Variants in MIER1 observed in about 807,000 individuals in gnomAD.
The protein encoded by MIER1 is mesoderm induction early response protein 1.
MIER1 carries 40 observed loss-of-function variants against 75.7 expected under a neutral mutation model. The observed-to-expected ratio is 0.53, with a 90% confidence interval of 0.41 to 0.69. The LOEUF is 0.69. Among genes scored for constraint, MIER1 ranks in the 30% least tolerant of loss-of-function variants. The pLI is 0.00. For synonymous variants in MIER1, 213 were observed against 223.4 expected (o/e 0.95, Z 0.42); for missense variants, 574 against 680.2 (o/e 0.84, Z 1.74).
Position 66,986,110 on chromosome 1 carries a change from A to G in MIER1, c.*1210A>G, listed in dbSNP as rs1046386496. On this transcript the variant is annotated 3_prime_UTR_variant, in exon 14 of 14. Coordinates refer to ENST00000401041, the MANE Select transcript of MIER1 (RefSeq NM_001077700.3). ...GCACACACAAGGAACAACTGTTGGC[A>G]GGCAGTATCGATTTTATGAAGAGAA... 1.8e-6 allele frequency: 2 copies of G among 1,100,408 alleles called. No homozygotes were observed. Among genetic ancestry groups the G allele is most frequent in the Non-Finnish European group, 2.2e-6 (2 of 903,306 alleles). The allele number at this position is 1,100,408 out of a possible 1,614,324, so 68.2% of individuals were successfully genotyped here.
intron 2 of MIER1, among the ~76,000 whole-genome samples, chr1:66,938,244 A>G (rs1655380568): frequency 1.3e-5 from 2 of 152,228 alleles, no homozygotes; most frequent in Non-Finnish European, 2.9e-5. Flanking sequence ...TATGGACACC[A>G]TTTACAATTC....
At chr1:66,968,712 A>G (rs190107529) in intron 8 of MIER1, among the ~76,000 whole-genome samples, 60 of 152,306 alleles carry the variant, frequency 3.9e-4, no homozygotes, top group Admixed American at 1.2e-3. Context: ...GCTCCTTTGG[A>G]CTTGTATCTG....
chr1:66,960,920 T>A (rs1415099535), intron 7 of MIER1, among the ~76,000 whole-genome samples: 1 of 152,194 alleles, frequency 6.6e-6, no homozygotes, highest in Non-Finnish European at 1.5e-5. Flanking sequence ...CCACTTCATA[T>A]TCAAGTTTAT....
At chr1:66,947,968 G>A in intron 4 of MIER1, 3 of 985,204 alleles carry the variant, frequency 3.0e-6, no homozygotes, top group Non-Finnish European at 3.6e-6. Flanking sequence ...AGCCTTTCCT[G>A]TCCCCTAATT....
intron 2 of MIER1, among the ~76,000 whole-genome samples, chr1:66,930,047 C>G (rs1434807264): frequency 1.3e-5 from 2 of 152,110 alleles, no homozygotes; most frequent in South Asian, 4.1e-4. Flanking sequence ...CTGGAGCCAG[C>G]GAAGCGCCCC....
At chr1:66,959,056 T>A (rs982597863) in intron 6 of MIER1, 73 bp downstream of exon 6, 2 of 1,233,256 alleles carry the variant, frequency 1.6e-6, no homozygotes, top group Non-Finnish European at 2.3e-6. Flanking sequence ...TCCTCTTTTT[T>A]AAACTGGTCT....
At chr1:66,973,019 A>G (rs747132519) in intron 11 of MIER1, 28 bp downstream of exon 11, 13 of 1,316,204 alleles carry the variant, frequency 9.9e-6, no homozygotes, top group Admixed American at 1.7e-5. Context: ...CTTTTTTGCA[A>G]AAAGAAATTT....
chr1:66,947,863 C>A, intron 4 of MIER1: 1 of 911,912 alleles, frequency 1.1e-6, no homozygotes, highest in Non-Finnish European at 1.3e-6. Flanking sequence ...GTTTCTTCTG[C>A]TTCAAGGGTT....
intron 11 of MIER1, among the ~76,000 whole-genome samples, chr1:66,973,300 T>C (rs1431810880): frequency 6.6e-6 from 1 of 152,132 alleles, no homozygotes; most frequent in African/African-American, 2.4e-5. Flanking sequence ...TTCCACAGTC[T>C]GTGACTGTTT....
At chr1:66,947,852 A>T (rs1658033682) in intron 4 of MIER1, 2 of 805,920 alleles carry the variant, frequency 2.5e-6, no homozygotes, top group Non-Finnish European at 3.0e-6. Flanking sequence ...TAAATAGGCT[A>T]GTTTCTTCTG....
intron 3 of MIER1, among the ~76,000 whole-genome samples, chr1:66,944,338 A>G (rs1490836215): frequency 6.6e-6 from 1 of 151,620 alleles, no homozygotes; most frequent in African/African-American, 2.4e-5. Context: ...TCAGTAACTC[A>G]TTTGTTTATC....
rs1256728399 is a variant in MIER1, at chr1:66,931,059, C to A, written c.168+4817C>A. The stretch of plus-strand genomic sequence containing the variant: ...CCCACCACCTTCACTTTCCAGGCTT[C>A]CCCCCACCCCCTTTCCAAATCAAGG... On this transcript the variant is annotated intron_variant, in intron 2 of 13. Coordinates refer to ENST00000401041, the MANE Select transcript of MIER1 (RefSeq NM_001077700.3). 6.5e-4 allele frequency among the ~76,000 whole-genome samples: 93 copies of A among 144,172 alleles called. 1 individual carries two copies. Among genetic ancestry groups the A allele is most frequent in the Non-Finnish European group, 1.1e-4 (7 of 65,698 alleles). 94.6% of individuals were successfully genotyped at this position (144,172 alleles called of 152,430 possible).
intron 1 of MIER1, 100 bp downstream of exon 1, chr1:66,925,195 C>A: frequency 6.9e-7 from 1 of 1,455,408 alleles, no homozygotes; most frequent in Non-Finnish European, 9.0e-7. Flanking sequence ...TTCCCCTCCC[C>A]CACGGCAGTG....
chr1:66,988,596 T>C lies in MIER1; in HGVS notation c.*3696T>C. ...ATAAAGAATTATAGAATGTATAATG[T>C]AATTAAAATGTCATTTTGCTTGCTC... On this transcript the variant is annotated 3_prime_UTR_variant, in exon 14 of 14. Coordinates refer to ENST00000401041, the MANE Select transcript of MIER1 (RefSeq NM_001077700.3). 6.6e-6 allele frequency: 1 copy of C among 152,344 alleles called. No individual in the cohort carries two copies. The highest frequency in any genetic ancestry group is 1.9e-4 in the East Asian group (1 of 5,300). 9.4% of individuals were successfully genotyped at this position (152,344 alleles called of 1,614,324 possible).
chr1:66,935,194 T>G (rs1319503177), intron 2 of MIER1, among the ~76,000 whole-genome samples: 2 of 152,198 alleles, frequency 1.3e-5, no homozygotes, highest in Non-Finnish European at 2.9e-5. Context: ...TAGTCTTCTG[T>G]TGTATGGGAC....
intron 10 of MIER1, among the ~76,000 whole-genome samples, chr1:66,971,955 G>A (rs1663694987): frequency 6.6e-6 from 1 of 151,648 alleles, no homozygotes; most frequent in Non-Finnish European, 1.5e-5. Context: ...AAGTAAAAAT[G>A]TAAAAATTTA....
At chr1:66,945,393 C>G (rs1332781932) in intron 3 of MIER1, among the ~76,000 whole-genome samples, 1 of 148,778 alleles carries the variant, frequency 6.7e-6, no homozygotes, top group Non-Finnish European at 1.5e-5. Flanking sequence ...GGAAAAACGC[C>G]TGTACGTGTT....
In MIER1 at chr1:66,987,119, C is replaced by T. The variant is rs1468577806; in HGVS notation, c.*2219C>T. The T allele has an allele frequency of 1.3e-5, 2 of 152,622 alleles. No homozygotes were observed. Among genetic ancestry groups the T allele is most frequent in the Non-Finnish European group, 2.9e-5 (2 of 67,952 alleles). 9.5% of individuals were successfully genotyped at this position (152,622 alleles called of 1,614,324 possible). A position where few individuals can be genotyped will look rare whatever the true frequency, so the allele number is the denominator to read the frequency against. ...TACTTTTGTTAATCTTTAAAAAATA[C>T]ACCTAATGAAAGACATTCCACTATT... On this transcript the variant is annotated 3_prime_UTR_variant, in exon 14 of 14. Transcript: ENST00000401041.
chr1:66,984,329 TC>T (rs1456937555), intron 13 of MIER1, among the ~76,000 whole-genome samples: 2 of 152,232 alleles, frequency 1.3e-5, no homozygotes, highest in Non-Finnish European at 2.9e-5. Context: ...TATTTAATTT[TC>T]ACAACAACCC....
Sources: gnomAD v4.1 joint callset for allele counts (sites outside exome capture counted in the v4.1 genomes callset) on GRCh38, gnomAD v4.1.1 for gene constraint, MANE v1.5 for transcripts, NCBI Gene and HGNC (gene_info 2026-07-23, HGNC 2026-07-21) for gene names.